Variants in PWP1 observed in about 807,000 individuals in gnomAD.
The protein encoded by PWP1 is PWP1 homolog, endonuclein.
A neutral mutation model predicts 69.9 loss-of-function variants in PWP1; 47 were observed. That is an observed-to-expected ratio of 0.67 (90% CI 0.53 to 0.86). The LOEUF (loss-of-function observed/expected upper bound fraction) is 0.86. Ranked by LOEUF, PWP1 falls within the 40% of genes least tolerant of loss-of-function variation. PWP1 has a pLI of 0.00. For missense variants in PWP1, 551 were observed against 608.8 expected, an observed-to-expected ratio of 0.91 and a Z score of 1.00; for synonymous variants, 222 against 208.2, an observed-to-expected ratio of 1.07 and a Z score of -0.57.
chr12:107,696,370 G>T, intron 5 of PWP1, 104 bp from the exon 6 acceptor site: 2 of 1,461,090 alleles, frequency 1.4e-6, no homozygotes, highest in Non-Finnish European at 1.8e-6. Flanking sequence ...TCACTTTAAA[G>T]CACATGGCTC....
chr12:107,704,604 T>C, intron 10 of PWP1, 32 bp from the exon 11 acceptor site: 1 of 1,538,234 alleles, frequency 6.5e-7, no homozygotes, highest in South Asian at 1.1e-5. Flanking sequence ...AATTGAACTC[T>C]TAAAACCCTA....
intron 1 of PWP1, among the ~76,000 whole-genome samples, chr12:107,687,511 T>G (rs944470536): frequency 1.3e-5 from 2 of 152,236 alleles, no homozygotes; most frequent in Admixed American, 6.5e-5. Flanking sequence ...GTGATTCTGA[T>G]GTACAGATAA....
At chr12:107,710,021 AAAC>A (rs1250558880) in intron 13 of PWP1, among the ~76,000 whole-genome samples, 5 of 152,232 alleles carry the variant, frequency 3.3e-5, no homozygotes, top group African/African-American at 4.8e-5. Context: ...GTAAAAAAGA[AAAC>A]AAAGTTTAAA....
At position 107,696,494 on chromosome 12, in the gene PWP1, T is replaced by G; in HGVS notation, c.523T>G (p.Ser175Ala). ...EVHVYNQEED[S>A]FYVHHDILLS... ...TTCAGTTTATAATCAAGAAGAAGACTCTTTTTATGTACACCATGATATACT... is the reference window on the plus strand; with the variant it reads ...TTCAGTTTATAATCAAGAAGAAGACGCTTTTTATGTACACCATGATATACT... The change falls in exon 6 of 15, where the codon TCT becomes GCT. Residue 175 changes from serine (S) to alanine (A), a missense_variant. Coordinates refer to ENST00000412830, the MANE Select transcript of PWP1 (RefSeq NM_007062.3). 3 of 1,613,672 alleles carry G rather than the reference T, an allele frequency of 1.9e-6. No individual in the cohort carries two copies. The highest frequency in any genetic ancestry group is 2.5e-6 in the Non-Finnish European group (3 of 1,179,920).
intron 14 of PWP1, 89 bp downstream of exon 14, chr12:107,710,599 G>T (rs978813579): frequency 7.0e-6 from 10 of 1,420,846 alleles, no homozygotes; most frequent in Non-Finnish European, 9.3e-6. Context: ...TGTTGCCCAG[G>T]CTGGTCTCAA....
rs768786437 is a variant in PWP1 at position 107,693,110 on chromosome 12, C to T, written c.502+14C>T. The T allele has an allele frequency of 6.4e-7, 1 of 1,572,860 alleles. No homozygotes were observed. Among genetic ancestry groups the T allele is most frequent in the Non-Finnish European group, 8.6e-7 (1 of 1,163,588 alleles). ...TAGAGGTGCATGGTAAGTGATAAAT[C>T]CCTTATTAAAAGATTTTCTAAGTGA... On this transcript the variant is annotated intron_variant, in intron 5 of 14. Transcript: ENST00000412830.
chr12:107,707,833 T>C (rs1889854940), intron 11 of PWP1, among the ~76,000 whole-genome samples: 1 of 152,182 alleles, frequency 6.6e-6, no homozygotes. Flanking sequence ...TGCATCGATG[T>C]TCTTCAGGGA....
chr12:107,703,738 A>C lies in PWP1; in HGVS notation c.957A>C (p.Ser319=), dbSNP rs1889759454. ...AAGCACAGACTCTGATTTCTGGCTC[A>C]TATGATAAGTAAGAAAGCACAGCAA... ...PFEAQTLISG[S]YDKSVALYDC... Residue 319 remains serine, a synonymous_variant, in exon 10 of 15, where the codon TCA becomes TCC. Transcript: ENST00000412830. 2 of 1,599,000 alleles carry C rather than the reference A, an allele frequency of 1.3e-6. No homozygotes were observed. Among genetic ancestry groups the C allele is most frequent in the South Asian group, 2.2e-5 (2 of 90,798 alleles).
chr12:107,688,712 G>C lies in PWP1; in HGVS notation c.229G>C (p.Glu77Gln). Residue 77 changes from glutamate to glutamine, a missense_variant, in exon 3 of 15, where the codon GAG (glutamate) becomes CAG (glutamine). By Grantham distance (29) the Glu-to-Gln change is conservative. Transcript: ENST00000412830. The part of the protein sequence containing the change: ...RTQARPREPL[E>Q]DGDPEDDRTL... Reference sequence around the variant, plus strand: ...CCAGGCACGCCCAAGAGAGCCCCTGGAGGATGGTGACCCAGAGGATGACAG... The same window carrying C: ...CCAGGCACGCCCAAGAGAGCCCCTGCAGGATGGTGACCCAGAGGATGACAG... 1.9e-6 allele frequency: 3 copies of C among 1,614,234 alleles called. No homozygotes were observed. Among genetic ancestry groups the C allele is most frequent in the Non-Finnish European group, 2.5e-6 (3 of 1,180,048 alleles).
chr12:107,695,745 C>A (rs1441832818), intron 5 of PWP1, among the ~76,000 whole-genome samples: 1 of 152,058 alleles, frequency 6.6e-6, no homozygotes, highest in Non-Finnish European at 1.5e-5. Context: ...TTTAGATTTC[C>A]AAATATGAAT....
chr12:107,688,792 A>T lies in PWP1; in HGVS notation c.309A>T (p.Glu103Asp), dbSNP rs1385991287. 6.2e-7 allele frequency: 1 copy of T among 1,613,574 alleles called. No individual in the cohort carries two copies. Residue 103 changes from glutamate to aspartate, a missense_variant, in exon 3 of 15, where the codon GAA (glutamate) becomes GAT (aspartate). By Grantham distance (45) the Glu-to-Asp change is conservative (BLOSUM62 2). Transcript: ENST00000412830. Reference sequence around the variant, plus strand: ...ACGACTTAGATAAATATGATGAGGAAGGTGACCCAGGTTAGTTTATCCACT... The same window carrying T: ...ACGACTTAGATAAATATGATGAGGATGGTGACCCAGGTTAGTTTATCCACT... Reference protein sequence around the residue: ...AEYDLDKYDEEGDPDAETLGE... With the variant: ...AEYDLDKYDEDGDPDAETLGE...
Position 107,696,904 on chromosome 12 carries a change from C to T in PWP1, c.613+320C>T, listed in dbSNP as rs538102119. On this transcript the variant is annotated intron_variant, in intron 6 of 14. Coordinates refer to ENST00000412830, the MANE Select transcript of PWP1 (RefSeq NM_007062.3). ...AAATGGCCTGATATGTGAGATGTTA[C>T]CAGCTAGAGTTCAGTGGCATAACCT... is the stretch of plus-strand genomic sequence containing the variant. 8.5e-4 allele frequency among the ~76,000 whole-genome samples: 129 copies of T among 152,232 alleles called. 3 individuals are homozygous for T. In the South Asian group the frequency reaches 0.026, roughly 31 times the overall value.
At position 107,699,238 on chromosome 12, in the gene PWP1, A is replaced by G. The variant is rs11831259; in HGVS notation, c.745-135A>G. The G allele has an allele frequency of 0.017, 11,269 of 668,394 alleles. 985 individuals carry two copies. The African/African-American group carries it at 0.19, about 11-fold the overall frequency. 41.4% of individuals were successfully genotyped at this position (668,394 alleles called of 1,614,324 possible). A position where few individuals can be genotyped will look rare whatever the true frequency, so the allele number is the denominator to read the frequency against. On this transcript the variant is annotated intron_variant, in intron 7 of 14. Transcript: ENST00000412830. ...CGTGCAACTGCACTCTAGCCAGGGC[A>G]ACAGACAAAGACTCCGTCTCAAAAC... is the stretch of plus-strand genomic sequence containing the variant.
intron 11 of PWP1, among the ~76,000 whole-genome samples, chr12:107,706,835 A>G (rs1889833993): frequency 6.6e-6 from 1 of 152,226 alleles, no homozygotes; most frequent in Non-Finnish European, 1.5e-5. Context: ...AGGTAGCATG[A>G]TGCCTCCACC....
At chr12:107,711,563 T>G (rs1889952968) in intron 14 of PWP1, among the ~76,000 whole-genome samples, 1 of 152,172 alleles carries the variant, frequency 6.6e-6, no homozygotes, top group Admixed American at 6.6e-5. Flanking sequence ...AAATCCAACT[T>G]TCCGGAAGGG....
chr12:107,703,363 T>C (rs1440237053), intron 9 of PWP1, among the ~76,000 whole-genome samples: 1 of 152,176 alleles, frequency 6.6e-6, no homozygotes, highest in African/African-American at 2.4e-5. Flanking sequence ...TAATGCAGAT[T>C]ATTTTGGGAC....
chr12:107,686,119 T>A, intron 1 of PWP1, 148 bp downstream of exon 1: 2 of 793,666 alleles, frequency 2.5e-6, no homozygotes, highest in Non-Finnish European at 4.1e-6. Context: ...TTGTCGCGAC[T>A]AGAGCTGCAG....
Position 107,685,807 on chromosome 12 carries a change from T to C in PWP1, c.-93T>C. 2 of 1,392,022 alleles carry C rather than the reference T, an allele frequency of 1.4e-6. No homozygotes were observed. The highest frequency in any genetic ancestry group is 1.2e-5 in the South Asian group (1 of 84,552). The allele number at this position is 1,392,022 out of a possible 1,614,324, so 86.2% of individuals were successfully genotyped here. ...ATGCGCTCTGCCCTGGCAGCGGCCC[T>C]GTGCAGATCCCTGAGCGTGTGGCAG... On this transcript the variant is annotated 5_prime_UTR_variant, in exon 1 of 15. Transcript: ENST00000412830.
intron 13 of PWP1, 121 bp downstream of exon 13, chr12:107,709,353 G>A: frequency 7.7e-7 from 1 of 1,292,526 alleles, no homozygotes; most frequent in Non-Finnish European, 1.1e-6. Context: ...GGATGTGTTG[G>A]GGAAGTGAAT....
Sources: allele counts gnomAD v4.1 joint callset (sites outside exome capture counted in the v4.1 genomes callset), GRCh38; gene constraint gnomAD v4.1.1; transcripts MANE v1.5; gene names NCBI Gene and HGNC (gene_info 2026-07-23, HGNC 2026-07-21).